IMMP2L: variants seen among roughly 807,000 people sequenced by gnomAD.
IMMP2L encodes inner mitochondrial membrane peptidase subunit 2.
IMMP2L carries 18 observed loss-of-function variants against 19.3 expected under a neutral mutation model. That is an observed-to-expected ratio of 0.93 (90% CI 0.64 to 1.38). The LOEUF (loss-of-function observed/expected upper bound fraction) is 1.38. IMMP2L is among the 40% of genes most tolerant of loss of function. IMMP2L has a pLI of 0.00. For missense variants in IMMP2L, 233 were observed against 218.2 expected (o/e 1.07, Z -0.43); for synonymous variants, 76 against 73.0 (o/e 1.04, Z -0.21).
rs535294183 is a variant in IMMP2L, at chr7:111,242,704, C to A, written c.239+244534G>T. Among the ~76,000 whole-genome samples, 59 of 152,030 alleles carry A rather than the reference C, an allele frequency of 3.9e-4. 1 individual carries two copies. The highest frequency in any genetic ancestry group is 1.3e-3 in the African/African-American group (55 of 41,470). On this transcript the variant is annotated intron_variant, in intron 3 of 5. Transcript: ENST00000405709. ...GAATGCTGGACATCTCAGATGACCA[C>A]TCTAAATACTCCTCCAATTCAACCA...
intron 3 of IMMP2L, among the ~76,000 whole-genome samples, chr7:110,964,885 G>A (rs554611484): frequency 1.9e-4 from 29 of 152,032 alleles, no homozygotes; most frequent in Middle Eastern, 3.4e-3. Context: ...AAGGAAGGTC[G>A]GCTAACAGTC....
At chr7:111,239,464 T>C (rs989792542) in intron 3 of IMMP2L, among the ~76,000 whole-genome samples, 5 of 151,914 alleles carry the variant, frequency 3.3e-5, no homozygotes, top group African/African-American at 1.2e-4. Context: ...GCACGAATTA[T>C]AAACACCTCC....
intron 3 of IMMP2L, among the ~76,000 whole-genome samples, chr7:111,451,463 C>G (rs1483111046): frequency 1.4e-5 from 2 of 145,098 alleles, no homozygotes; most frequent in African/African-American, 5.2e-5. Flanking sequence ...ATCGCAAGAA[C>G]AAAAAACCAA....
chr7:111,348,735 C>T (rs1378091102), intron 3 of IMMP2L, among the ~76,000 whole-genome samples: 1 of 152,024 alleles, frequency 6.6e-6, no homozygotes, highest in East Asian at 1.9e-4. Flanking sequence ...GTTAAGATAG[C>T]ATTAAAATAT....
At chr7:111,316,212 G>GT in intron 3 of IMMP2L, among the ~76,000 whole-genome samples, 1 of 152,162 alleles carries the variant, frequency 6.6e-6, no homozygotes, top group South Asian at 2.1e-4. Flanking sequence ...GTATCTGAGA[G>GT]TAGACAGGAA....
At chr7:110,705,449 G>A (rs919898903) in intron 5 of IMMP2L, among the ~76,000 whole-genome samples, 2 of 152,084 alleles carry the variant, frequency 1.3e-5, no homozygotes, top group South Asian at 2.1e-4. Flanking sequence ...AGTTCCCCAG[G>A]TAATGAATTT....
intron 3 of IMMP2L, among the ~76,000 whole-genome samples, chr7:111,427,116 G>T (rs575181435): frequency 1.3e-5 from 2 of 151,358 alleles, no homozygotes; most frequent in Non-Finnish European, 3.0e-5. Context: ...TCTTTACGGA[G>T]TTCGCTAGCG....
intron 3 of IMMP2L, among the ~76,000 whole-genome samples, chr7:111,308,924 T>G (rs1291427935): frequency 6.6e-6 from 1 of 152,102 alleles, no homozygotes; most frequent in East Asian, 1.9e-4. Context: ...AATATGGTAT[T>G]TAAACAGCTG....
rs191221094 is a variant in IMMP2L at position 111,522,192 on chromosome 7, T to G, written c.-2-743A>C. 6.3e-3 allele frequency among the ~76,000 whole-genome samples: 956 copies of G among 152,184 alleles called. 7 individuals are homozygous for G. Among genetic ancestry groups the G allele is most frequent in the Non-Finnish European group, 8.1e-3 (550 of 67,980 alleles). On this transcript the variant is annotated intron_variant, in intron 1 of 5. Coordinates refer to ENST00000405709, the MANE Select transcript of IMMP2L (RefSeq NM_032549.4). ...GCTGTTTGTGGTGGCAGTGTTGGTGTTGTTGTTGTCGTTGTTGTTTTTAGA... is the reference window on the plus strand; with the variant it reads ...GCTGTTTGTGGTGGCAGTGTTGGTGGTGTTGTTGTCGTTGTTGTTTTTAGA...
intron 5 of IMMP2L, among the ~76,000 whole-genome samples, chr7:110,826,837 A>T (rs539074086): frequency 9.9e-5 from 15 of 152,086 alleles, no homozygotes; most frequent in African/African-American, 2.9e-4. Flanking sequence ...AAAGTATATT[A>T]AAAAAATAAA....
rs532150364 is a variant in IMMP2L at position 111,445,926 on chromosome 7, T to G, written c.239+41312A>C. Among the ~76,000 whole-genome samples, 46 of 152,066 alleles carry G rather than the reference T, an allele frequency of 3.0e-4. 1 individual carries two copies. The highest frequency in any genetic ancestry group is 8.3e-4 in the South Asian group (4 of 4,822). On this transcript the variant is annotated intron_variant, in intron 3 of 5. Coordinates refer to ENST00000405709, the MANE Select transcript of IMMP2L (RefSeq NM_032549.4). Reference sequence around the variant, plus strand: ...CAAGGGGTCAGGGAGTTCCCTTTCCTAGTCAAAGAAAGGGGTGATGGACGC... The same window carrying G: ...CAAGGGGTCAGGGAGTTCCCTTTCCGAGTCAAAGAAAGGGGTGATGGACGC...
At chr7:111,398,737 T>C (rs1833124096) in intron 3 of IMMP2L, among the ~76,000 whole-genome samples, 1 of 151,960 alleles carries the variant, frequency 6.6e-6, no homozygotes, top group African/African-American at 2.4e-5. Context: ...TAAAGACTCC[T>C]ACAGAAAGCT....
chr7:111,147,506 T>A (rs1803609407), intron 3 of IMMP2L, among the ~76,000 whole-genome samples: 1 of 152,184 alleles, frequency 6.6e-6, no homozygotes, highest in Admixed American at 6.5e-5. Flanking sequence ...GTTGGCAATA[T>A]CTCTAAGCAG....
chr7:110,926,444 G>T (rs1814859438), intron 4 of IMMP2L, among the ~76,000 whole-genome samples: 1 of 152,064 alleles, frequency 6.6e-6, no homozygotes, highest in South Asian at 2.1e-4. Flanking sequence ...AGGTTTAAAA[G>T]CCTACAGATC....
chr7:111,143,359 C>G (rs1803141860), intron 3 of IMMP2L, among the ~76,000 whole-genome samples: 1 of 152,136 alleles, frequency 6.6e-6, no homozygotes, highest in Non-Finnish European at 1.5e-5. Flanking sequence ...GGTAAACACT[C>G]ATGACACAAG....
intron 5 of IMMP2L, among the ~76,000 whole-genome samples, chr7:110,800,385 C>A (rs995882814): frequency 1.3e-5 from 2 of 151,994 alleles, no homozygotes; most frequent in African/African-American, 4.8e-5. Flanking sequence ...CTGTTATAAG[C>A]TAATTTTCAG....
chr7:110,812,934 A>C (rs1802149769), intron 5 of IMMP2L, among the ~76,000 whole-genome samples: 1 of 152,064 alleles, frequency 6.6e-6, no homozygotes, highest in African/African-American at 2.4e-5. Flanking sequence ...ATATACATAC[A>C]TTCACACAAC....
intron 1 of IMMP2L, among the ~76,000 whole-genome samples, chr7:111,523,145 G>C (rs374723256): frequency 2.6e-5 from 4 of 151,932 alleles, no homozygotes; most frequent in Admixed American, 6.6e-5. Context: ...AGAGGTTGGG[G>C]AGATGTTGCT....
intron 3 of IMMP2L, among the ~76,000 whole-genome samples, chr7:111,007,252 T>C (rs2129562472): frequency 6.6e-6 from 1 of 152,218 alleles, no homozygotes; most frequent in East Asian, 1.9e-4. Context: ...GAGAACAGCA[T>C]GGGGGAAATC....
Sources: gnomAD v4.1 joint callset for allele counts (sites outside exome capture counted in the v4.1 genomes callset) on GRCh38, gnomAD v4.1.1 for gene constraint, MANE v1.5 for transcripts, NCBI Gene and HGNC (gene_info 2026-07-23, HGNC 2026-07-21) for gene names.